Variants in WWC1 observed in about 807,000 individuals in gnomAD.
WWC1 encodes WW and C2 domain containing 1.
A neutral mutation model predicts 138.4 loss-of-function variants in WWC1; 55 were observed. The observed-to-expected ratio is 0.40, with a 90% CI of 0.32 to 0.50. The LOEUF (loss-of-function observed/expected upper bound fraction) is 0.50, where lower values mean the gene tolerates loss of function less well. WWC1 is among the 20% of genes least tolerant of loss of function. The probability of loss-of-function intolerance (pLI) is 0.72; values close to 1 mark genes in which losing one functional copy is unlikely to be tolerated. For missense variants in WWC1, 1,226 were observed against 1,420.4 expected (o/e 0.86, Z 2.20); for synonymous variants, 524 against 564.9 (o/e 0.93, Z 1.03).
chr5:168,324,432 C>CA lies in WWC1; in HGVS notation c.119+32171dup, dbSNP rs1289976471. Among the ~76,000 whole-genome samples, 107 of 146,000 alleles carry CA rather than the reference C, an allele frequency of 7.3e-4. 1 individual carries two copies. Among genetic ancestry groups the CA allele is most frequent in the Admixed American group, 4.4e-3 (65 of 14,632 alleles). On this transcript the variant is annotated intron_variant, in intron 1 of 22. Coordinates refer to ENST00000265293, the MANE Select transcript of WWC1 (RefSeq NM_015238.3). ...TGGGTAACAGAGCGTGACTCTGTCT[C>CA]AAAAAAAAAATAAATAAATTTTTCA...
chr5:168,355,231 C>T (rs1384684628), intron 1 of WWC1, among the ~76,000 whole-genome samples: 10 of 152,024 alleles, frequency 6.6e-5, no homozygotes, highest in South Asian at 2.1e-4. Context: ...TGGTGGCTCA[C>T]GCCTGTAATC....
chr5:168,337,887 G>T (rs1773631089), intron 1 of WWC1, among the ~76,000 whole-genome samples: 1 of 152,202 alleles, frequency 6.6e-6, no homozygotes, highest in Non-Finnish European at 1.5e-5. Context: ...GGCATTCCTG[G>T]CATGGGTCAC....
intron 15 of WWC1, among the ~76,000 whole-genome samples, chr5:168,438,075 G>A (rs1395990234): frequency 2.0e-5 from 3 of 152,190 alleles, no homozygotes; most frequent in African/African-American, 4.8e-5. Context: ...AGGCTGGTAG[G>A]TAGGAGTGAT....
intron 9 of WWC1, chr5:168,415,447 T>C (rs1221935992): frequency 6.6e-6 from 1 of 152,206 alleles, no homozygotes; most frequent in African/African-American, 2.4e-5. Flanking sequence ...TTATAGACAT[T>C]GTCTTTGTTT....
At chr5:168,360,748 G>T (rs775538125) in intron 1 of WWC1, among the ~76,000 whole-genome samples, 1 of 152,224 alleles carries the variant, frequency 6.6e-6, no homozygotes, top group Non-Finnish European at 1.5e-5. Flanking sequence ...CTTGGGAGGG[G>T]CCCCAAGTCA....
intron 8 of WWC1, among the ~76,000 whole-genome samples, chr5:168,411,262 A>G (rs1201404531): frequency 6.6e-6 from 1 of 152,088 alleles, no homozygotes; most frequent in Non-Finnish European, 1.5e-5. Flanking sequence ...AGCCAGTGTT[A>G]CTGGCAAAGA....
At chr5:168,410,385 C>T (rs1176086126) in intron 8 of WWC1, among the ~76,000 whole-genome samples, 1 of 152,218 alleles carries the variant, frequency 6.6e-6, no homozygotes, top group East Asian at 1.9e-4. Flanking sequence ...ACTTCAGTGT[C>T]TCCTGCACAG....
chr5:168,351,796 C>T (rs751852693), intron 1 of WWC1, among the ~76,000 whole-genome samples: 6 of 152,154 alleles, frequency 3.9e-5, no homozygotes, highest in Non-Finnish European at 7.3e-5. Flanking sequence ...CACCACGTGC[C>T]GCCTGCCCAC....
At chr5:168,373,302 C>T (rs142407925) in intron 2 of WWC1, among the ~76,000 whole-genome samples, 35 of 152,026 alleles carry the variant, frequency 2.3e-4, no homozygotes, top group African/African-American at 5.5e-4. Context: ...AGTAGCAGGC[C>T]GTGGCAGAGT....
rs1428019594 is a variant in WWC1, at chr5:168,291,944, G to A, written c.-209G>A. Reference sequence around the variant, plus strand: ...GCAGCGTGAGAGGCCGGCGGCGGGAGGAGCGGGCGGCGCCGGGTCGGGGCT... The same window carrying A: ...GCAGCGTGAGAGGCCGGCGGCGGGAAGAGCGGGCGGCGCCGGGTCGGGGCT... On this transcript the variant is annotated 5_prime_UTR_variant, in exon 1 of 23. Coordinates refer to ENST00000265293, the MANE Select transcript of WWC1 (RefSeq NM_015238.3). The A allele has an allele frequency of 6.0e-6, 2 of 334,562 alleles. No homozygotes were observed. Among genetic ancestry groups the A allele is most frequent in the African/African-American group, 2.2e-5 (1 of 45,876 alleles). 20.7% of individuals were successfully genotyped at this position (334,562 alleles called of 1,614,324 possible).
rs1205034756 is a variant in WWC1, at chr5:168,292,270, A to C, written c.118A>C (p.Arg40=). The change falls in exon 1 of 23, where the codon AGG becomes CGG. Residue 40 remains arginine (R), a splice_region_variant and synonymous_variant. Coordinates refer to ENST00000265293, the MANE Select transcript of WWC1 (RefSeq NM_015238.3). The surrounding 1 kb of genome is among the most constrained non-coding windows in gnomAD (Gnocchi z 4.4). Reference sequence around the variant, plus strand: ...CACCAGCTGGATCGACCCGCGGGACAGGTAGGACCCTGGAACCCTCCTCCG... The same window carrying C: ...CACCAGCTGGATCGACCCGCGGGACCGGTAGGACCCTGGAACCCTCCTCCG... ...RTTSWIDPRD[R]YTKPLTFADC... The C allele has an allele frequency of 1.3e-6, 2 of 1,596,430 alleles. No individual in the cohort carries two copies. The highest frequency in any genetic ancestry group is 2.3e-5 in the East Asian group (1 of 43,860).
At chr5:168,390,873 T>C (rs147959434) in intron 3 of WWC1, among the ~76,000 whole-genome samples, 1,758 of 152,342 alleles carry the variant, frequency 0.012, 17 homozygotes, top group Non-Finnish European at 0.02. Flanking sequence ...GAGGGCAATA[T>C]GTTAGGCACT....
chr5:168,410,243 G>A (rs938807386), intron 8 of WWC1: 8 of 436,420 alleles, frequency 1.8e-5, no homozygotes, highest in African/African-American at 1.2e-4. Flanking sequence ...TAACCTCAAA[G>A]CCGAGTTATC....
chr5:168,417,274 AC>A (rs1419915696), intron 9 of WWC1, among the ~76,000 whole-genome samples: 1 of 152,242 alleles, frequency 6.6e-6, no homozygotes, highest in East Asian at 1.9e-4. Flanking sequence ...TACTGTAATT[AC>A]ATTAAATACA....
Position 168,472,180 on chromosome 5 carries a change from A to C in WWC1, c.*3163A>C, listed in dbSNP as rs967679452. 1 of 152,270 alleles carries C rather than the reference A, an allele frequency of 6.6e-6. No homozygotes were observed. The highest frequency in any genetic ancestry group is 2.4e-5 in the African/African-American group (1 of 41,466). 9.4% of individuals were successfully genotyped at this position (152,270 alleles called of 1,614,324 possible). A position where few individuals can be genotyped will look rare whatever the true frequency, so the allele number is the denominator to read the frequency against. ...GAACCAGACCACCTCTGCGGAAGGC[A>C]GCAGACCCTCTTCCAGCCATGGATG... On this transcript the variant is annotated 3_prime_UTR_variant, in exon 23 of 23. Coordinates refer to ENST00000265293, the MANE Select transcript of WWC1 (RefSeq NM_015238.3).
intron 3 of WWC1, among the ~76,000 whole-genome samples, chr5:168,393,133 A>C (rs989141203): frequency 1.1e-4 from 16 of 152,216 alleles, no homozygotes; most frequent in Non-Finnish European, 8.8e-5. Context: ...AATAGACTAC[A>C]AGGACAGGAA....
chr5:168,312,216 C>CAA (rs35286827), intron 1 of WWC1, among the ~76,000 whole-genome samples: 2 of 136,624 alleles, frequency 1.5e-5, no homozygotes, highest in African/African-American at 5.5e-5. Flanking sequence ...GACGCCGTCT[C>CAA]AAAAAAAAAA....
chr5:168,313,672 G>C (rs1771321644), intron 1 of WWC1, among the ~76,000 whole-genome samples: 1 of 151,358 alleles, frequency 6.6e-6, no homozygotes, highest in Admixed American at 6.6e-5. Context: ...CAGATCCCCA[G>C]AGGTACTTAC....
intron 21 of WWC1, among the ~76,000 whole-genome samples, chr5:168,465,548 C>CTTTTTT (rs10527141): frequency 0.044 from 2,066 of 46,940 alleles, 963 homozygotes; most frequent in African/African-American, 0.12. Context: ...ATCAGCTGGG[C>CTTTTTT]TTTTTTTTTT....
Sources: allele counts gnomAD v4.1 joint callset (sites outside exome capture counted in the v4.1 genomes callset), GRCh38; gene constraint gnomAD v4.1.1; non-coding constraint Gnocchi (gnomAD v3.1); transcripts MANE v1.5; gene names NCBI Gene and HGNC (gene_info 2026-07-23, HGNC 2026-07-21).